The following SLC35E1 variants were observed in gnomAD, a reference collection of about 807,000 sequenced individuals.
SLC35E1 encodes the protein solute carrier family 35, member E1.
A neutral mutation model predicts 31.0 loss-of-function variants in SLC35E1; 12 were observed. That is an observed-to-expected ratio of 0.39 (90% CI 0.25 to 0.63). SLC35E1 has a LOEUF of 0.63. Ranked by LOEUF, SLC35E1 falls within the 20% of genes least tolerant of loss-of-function variation. The probability of loss-of-function intolerance (pLI) is 0.52; values close to 1 mark genes in which losing one functional copy is unlikely to be tolerated. For synonymous variants in SLC35E1, 257 were observed against 264.1 expected (o/e 0.97, Z 0.26); for missense variants, 429 against 572.2 (o/e 0.75, Z 2.55).
chr19:16,569,028 CT>C (rs946440031), intron 2 of SLC35E1, among the ~76,000 whole-genome samples: 259 of 142,468 alleles, frequency 1.8e-3, no homozygotes, highest in Admixed American at 1.8e-3. Flanking sequence ...TCCACTCACT[CT>C]TTTTTTTTTT....
rs1279313150 is a variant in SLC35E1, at chr19:16,555,079, G to A, written c.1002+73C>T. The A allele has an allele frequency of 6.3e-7, 1 of 1,591,342 alleles. No homozygotes were observed. The highest frequency in any genetic ancestry group is 8.5e-7 in the Non-Finnish European group (1 of 1,169,668). ...CAACCCCAGCCTTGAGCGCCCGGGA[G>A]GCCCTTCCTTTTCTGACTTCCTGGG... On this transcript the variant is annotated intron_variant, in intron 5 of 5. Coordinates refer to ENST00000595753, the MANE Select transcript of SLC35E1 (RefSeq NM_024881.5). This position sits in a 1 kb window ranked among gnomAD's most constrained non-coding sequence, Gnocchi z 4.1.
In SLC35E1 at chr19:16,572,111, G is replaced by A; in HGVS notation, c.254C>T (p.Ala85Val). ...GGGTCCGGGGCCCGAGACGGGCGGC[G>A]CGGGGGGCACGCGCCAGGCGCGCAG... ...PLLRAWRVPP[A>V]PPVSGPGPSP... Residue 85 changes from alanine (A) to valine (V), a missense_variant, in exon 1 of 6, where the codon GCG becomes GTG. By Grantham distance (64) the Ala-to-Val change is moderately conservative. Coordinates refer to ENST00000595753, the MANE Select transcript of SLC35E1 (RefSeq NM_024881.5). The surrounding 1 kb of genome is among the most constrained non-coding windows in gnomAD (Gnocchi z 4.1). 1 of 1,512,308 alleles carries A rather than the reference G, an allele frequency of 6.6e-7. No individual in the cohort carries two copies. The allele number at this position is 1,512,308 out of a possible 1,614,324, so 93.7% of individuals were successfully genotyped here.
intron 2 of SLC35E1, among the ~76,000 whole-genome samples, chr19:16,570,453 G>GGCAC (rs1403987236): frequency 6.6e-6 from 1 of 152,208 alleles, no homozygotes; most frequent in Non-Finnish European, 1.5e-5. Flanking sequence ...TTGGAAAAGA[G>GGCAC]GCACGGTGTC....
At position 16,572,021 on chromosome 19, in the gene SLC35E1, A is replaced by C; in HGVS notation, c.344T>G (p.Leu115Arg). 1 of 1,545,570 alleles carries C rather than the reference A, an allele frequency of 6.5e-7. No individual in the cohort carries two copies. Among genetic ancestry groups the C allele is most frequent in the Non-Finnish European group, 8.7e-7 (1 of 1,144,978 alleles). ...PRFYPRYVLP[L>R]AFGKYFASVS... is the part of the protein sequence containing the mutation. Reference sequence around the variant, plus strand: ...GGACGCGAAGTACTTGCCGAAGGCGAGCGGTAGCACGTAGCGCGGGTAGAA... The same window carrying C: ...GGACGCGAAGTACTTGCCGAAGGCGCGCGGTAGCACGTAGCGCGGGTAGAA... Residue 115 changes from leucine to arginine, a missense_variant, in exon 1 of 6, where the codon CTC becomes CGC. Coordinates refer to ENST00000595753, the MANE Select transcript of SLC35E1 (RefSeq NM_024881.5). The surrounding 1 kb of genome is among the most constrained non-coding windows in gnomAD (Gnocchi z 4.1).
At chr19:16,564,857 G>A (rs376356949) in intron 4 of SLC35E1, among the ~76,000 whole-genome samples, 3 of 152,192 alleles carry the variant, frequency 2.0e-5, no homozygotes, top group South Asian at 4.1e-4. Flanking sequence ...AAGATGGAAA[G>A]TTCTTCACAG....
At chr19:16,565,324 C>T (rs985318902) in intron 4 of SLC35E1, 1 of 342,292 alleles carries the variant, frequency 2.9e-6, no homozygotes, top group Non-Finnish European at 5.7e-6. Flanking sequence ...GATTCTCCCA[C>T]CTCAGCCTCC....
At chr19:16,557,556 C>T (rs2085881102) in intron 4 of SLC35E1, among the ~76,000 whole-genome samples, 1 of 152,152 alleles carries the variant, frequency 6.6e-6, no homozygotes, top group Non-Finnish European at 1.5e-5. Context: ...GGGATTAGGA[C>T]ACTCCTGGGG....
chr19:16,553,536 G>T lies in SLC35E1; in HGVS notation c.*143C>A. Reference sequence around the variant, plus strand: ...CGCATCCTCCTGCGGCTCACGGGGGGCCAGGAACCCCAGGGCTTCTGATGG... The same window carrying T: ...CGCATCCTCCTGCGGCTCACGGGGGTCCAGGAACCCCAGGGCTTCTGATGG... On this transcript the variant is annotated 3_prime_UTR_variant, in exon 6 of 6. Transcript: ENST00000595753. 2 of 739,072 alleles carry T rather than the reference G, an allele frequency of 2.7e-6. No homozygotes were observed. The highest frequency in any genetic ancestry group is 4.0e-6 in the Non-Finnish European group (2 of 499,632). 45.8% of individuals were successfully genotyped at this position (739,072 alleles called of 1,614,324 possible). A position where few individuals can be genotyped will look rare whatever the true frequency, so the allele number is the denominator to read the frequency against.
chr19:16,551,957 G>A lies in SLC35E1; in HGVS notation c.*1722C>T, dbSNP rs906184633. On this transcript the variant is annotated 3_prime_UTR_variant, in exon 6 of 6. Transcript: ENST00000595753. ...AGTAGAGATGGGGTTTCACCATGTT[G>A]GCCAGGGTGGTCTCAAACTCCAGTG... 4 of 151,738 alleles carry A rather than the reference G, an allele frequency of 2.6e-5. No individual in the cohort carries two copies. Among genetic ancestry groups the A allele is most frequent in the African/African-American group, 9.7e-5 (4 of 41,284 alleles). 9.4% of individuals were successfully genotyped at this position (151,738 alleles called of 1,614,324 possible).
intron 2 of SLC35E1, among the ~76,000 whole-genome samples, chr19:16,569,987 T>C (rs2085949845): frequency 1.3e-5 from 2 of 152,174 alleles, no homozygotes; most frequent in South Asian, 4.1e-4. Context: ...GGCACATGAT[T>C]CTCCCCTCTC....
Position 16,567,968 on chromosome 19 carries a change from C to T in SLC35E1, c.630+64G>A, listed in dbSNP as rs1391328848. 6.1e-6 allele frequency: 9 copies of T among 1,469,768 alleles called. No individual in the cohort carries two copies. The Admixed American group carries it at 2.3e-4, about 38-fold the overall frequency. 91.0% of individuals were successfully genotyped at this position (1,469,768 alleles called of 1,614,324 possible). A position where few individuals can be genotyped will look rare whatever the true frequency, so the allele number is the denominator to read the frequency against. On this transcript the variant is annotated intron_variant, in intron 3 of 5. Transcript: ENST00000595753. Reference sequence around the variant, plus strand: ...TTCTACTCCGCCTGTTTTCCCAATGCCACCAGTTTGCTGCCCGCACACCCC... The same window carrying T: ...TTCTACTCCGCCTGTTTTCCCAATGTCACCAGTTTGCTGCCCGCACACCCC...
intron 4 of SLC35E1, among the ~76,000 whole-genome samples, chr19:16,561,788 G>C (rs1273240262): frequency 6.6e-6 from 1 of 152,112 alleles, no homozygotes; most frequent in Non-Finnish European, 1.5e-5. Context: ...ACAAGACAAA[G>C]AGGGGGAACC....
chr19:16,561,232 A>G (rs2085904568), intron 4 of SLC35E1, among the ~76,000 whole-genome samples: 2 of 144,468 alleles, frequency 1.4e-5, no homozygotes, highest in African/African-American at 5.3e-5. Context: ...AAAAAAAAAA[A>G]AAAAAAAAAA....
At chr19:16,563,185 G>A (rs981476062) in intron 4 of SLC35E1, among the ~76,000 whole-genome samples, 1 of 151,980 alleles carries the variant, frequency 6.6e-6, no homozygotes, top group Non-Finnish European at 1.5e-5. Context: ...TTAGCTGGGC[G>A]CGGTGGTGGG....
At position 16,552,208 on chromosome 19, in the gene SLC35E1, G is replaced by C. The variant is rs1441444331; in HGVS notation, c.*1471C>G. 6.6e-6 allele frequency: 1 copy of C among 152,082 alleles called. No homozygotes were observed. The highest frequency in any genetic ancestry group is 1.5e-5 in the Non-Finnish European group (1 of 68,016). The allele number at this position is 152,082 out of a possible 1,614,324, so 9.4% of individuals were successfully genotyped here. ...TCTTGTCTATTATACAAAATATTGAGATAATGTTCACGATTCATTCTGTTT... is the reference window on the plus strand; with the variant it reads ...TCTTGTCTATTATACAAAATATTGACATAATGTTCACGATTCATTCTGTTT... On this transcript the variant is annotated 3_prime_UTR_variant, in exon 6 of 6. Transcript: ENST00000595753.
intron 4 of SLC35E1, 130 bp downstream of exon 4, chr19:16,566,402 T>G: frequency 7.8e-7 from 1 of 1,276,352 alleles, no homozygotes; most frequent in Non-Finnish European, 1.1e-6. Context: ...GAGGACTGAC[T>G]GCTGAAAGCG....
At chr19:16,569,448 C>T (rs1038424364) in intron 2 of SLC35E1, among the ~76,000 whole-genome samples, 14 of 152,306 alleles carry the variant, frequency 9.2e-5, no homozygotes, top group African/African-American at 2.4e-4. Flanking sequence ...GCTGAATGAA[C>T]GAGTAGCAAA....
At chr19:16,570,091 A>G (rs191480155) in intron 2 of SLC35E1, among the ~76,000 whole-genome samples, 16 of 152,338 alleles carry the variant, frequency 1.1e-4, no homozygotes, top group Admixed American at 9.8e-4. Flanking sequence ...TGTCATTATA[A>G]TTAGTCTGGC....
Position 16,555,690 on chromosome 19 carries a change from C to A in SLC35E1, c.757-293G>T. The stretch of plus-strand genomic sequence containing the variant: ...AGCAAGACGTAAGCCAAAGCCTTCC[C>A]TGGCAGTGAACAGCCAGGAACCCTG... On this transcript the variant is annotated intron_variant, in intron 4 of 5. Transcript: ENST00000595753. The surrounding 1 kb of genome is among the most constrained non-coding windows in gnomAD (Gnocchi z 4.1). 2.5e-6 allele frequency: 1 copy of A among 395,060 alleles called. No homozygotes were observed. The highest frequency in any genetic ancestry group is 2.0e-5 in the African/African-American group (1 of 49,574). 24.5% of individuals were successfully genotyped at this position (395,060 alleles called of 1,614,324 possible). A position where few individuals can be genotyped will look rare whatever the true frequency, so the allele number is the denominator to read the frequency against.
Sources: gnomAD v4.1 joint callset for allele counts (sites outside exome capture counted in the v4.1 genomes callset) on GRCh38, gnomAD v4.1.1 for gene constraint, Gnocchi (gnomAD v3.1) non-coding constraint, MANE v1.5 for transcripts, NCBI Gene and HGNC (gene_info 2026-07-23, HGNC 2026-07-21) for gene names.